Variants in CIT observed in about 807,000 individuals in gnomAD.
The protein encoded by CIT is citron Rho-interacting kinase.
A neutral mutation model predicts 272.7 loss-of-function variants in CIT; 79 were observed. The ratio of observed to expected loss-of-function variants is 0.29; its 90% CI spans 0.24 to 0.35. The LOEUF (loss-of-function observed/expected upper bound fraction) is 0.35, where lower values mean the gene tolerates loss of function less well. Ranked by LOEUF, CIT falls within the 10% of genes least tolerant of loss-of-function variation. CIT has a pLI of 1.00. For missense variants in CIT, 1,909 were observed against 2,618.3 expected (o/e 0.73, Z 5.91); for synonymous variants, 948 against 995.6 (o/e 0.95, Z 0.90).
intron 25 of CIT, 119 bp from the exon 26 acceptor site, chr12:119,734,476 T>G: frequency 4.5e-6 from 5 of 1,100,674 alleles, no homozygotes; most frequent in African/African-American, 1.5e-5. Flanking sequence ...AAATGCGGTT[T>G]GTCTTTTGCT....
intron 9 of CIT, among the ~76,000 whole-genome samples, chr12:119,816,808 G>A (rs778953441): frequency 2.0e-5 from 3 of 152,216 alleles, no homozygotes; most frequent in Non-Finnish European, 4.4e-5. Context: ...CTCAACTGAA[G>A]GTGACTGTAG....
chr12:119,710,782 G>T lies in CIT; in HGVS notation c.4855-162C>A. On this transcript the variant is annotated intron_variant, in intron 37 of 47. Coordinates refer to ENST00000392521, the MANE Select transcript of CIT (RefSeq NM_001206999.2). The surrounding 1 kb of genome is among the most constrained non-coding windows in gnomAD (Gnocchi z 5.6). ...TAGCTCAGCCCGTATTTTGATCTGA[G>T]CTCCAAATGCAAAATGCGAGTGCTA... 1.4e-6 allele frequency: 1 copy of T among 719,762 alleles called. No individual in the cohort carries two copies. The highest frequency in any genetic ancestry group is 2.3e-6 in the Non-Finnish European group (1 of 431,478). 44.6% of individuals were successfully genotyped at this position (719,762 alleles called of 1,614,324 possible).
intron 5 of CIT, among the ~76,000 whole-genome samples, chr12:119,839,369 T>C (rs548279101): frequency 3.0e-4 from 45 of 152,296 alleles, no homozygotes; most frequent in African/African-American, 1.1e-3. Context: ...TAGCCACCTC[T>C]TAGAAATGTC....
In CIT at chr12:119,718,974, G is replaced by T; in HGVS notation, c.3841-113C>A. ...CACAAAAGCCAGGAGCATACTCACT[G>T]TAAGTGTATTTAGTAAAAATGGCAT... is the stretch of plus-strand genomic sequence containing the variant. On this transcript the variant is annotated intron_variant, in intron 30 of 47. Coordinates refer to ENST00000392521, the MANE Select transcript of CIT (RefSeq NM_001206999.2). This position sits in a 1 kb window ranked among gnomAD's most constrained non-coding sequence, Gnocchi z 4.8. The T allele has an allele frequency of 2.0e-6, 2 of 1,022,932 alleles. No homozygotes were observed. Among genetic ancestry groups the T allele is most frequent in the Non-Finnish European group, 2.9e-6 (2 of 690,250 alleles). The allele number at this position is 1,022,932 out of a possible 1,614,324, so 63.4% of individuals were successfully genotyped here.
intron 46 of CIT, among the ~76,000 whole-genome samples, chr12:119,693,470 C>T (rs754153277): frequency 9.2e-5 from 14 of 152,194 alleles, no homozygotes; most frequent in African/African-American, 2.7e-4. Flanking sequence ...CTGTTTTGAT[C>T]GCACAGTAAG....
chr12:119,702,108 C>CTT (rs113607985), intron 41 of CIT, 150 bp from the exon 42 acceptor site: 693 of 546,994 alleles, frequency 1.3e-3, no homozygotes, highest in African/African-American at 1.5e-3. Context: ...AGCCATTCAT[C>CTT]TTTTTTTTTT....
intron 1 of CIT, among the ~76,000 whole-genome samples, chr12:119,876,993 A>G (rs1352832742): frequency 6.6e-6 from 1 of 152,196 alleles, no homozygotes; most frequent in Non-Finnish European, 1.5e-5. Context: ...GAAGAGACAA[A>G]GCACTCCGCC....
chr12:119,813,614 T>C (rs927842314), intron 9 of CIT, among the ~76,000 whole-genome samples: 2 of 152,340 alleles, frequency 1.3e-5, no homozygotes, highest in African/African-American at 4.8e-5. Flanking sequence ...CAAGTGAGAA[T>C]TTAAGGGTTG....
chr12:119,744,000 G>C (rs1183127261), intron 23 of CIT, among the ~76,000 whole-genome samples: 2 of 152,204 alleles, frequency 1.3e-5, no homozygotes, highest in Non-Finnish European at 2.9e-5. Flanking sequence ...AAGAAAGAAA[G>C]TGACGGATTT....
intron 46 of CIT, among the ~76,000 whole-genome samples, chr12:119,691,589 A>G (rs1400133266): frequency 1.3e-5 from 2 of 152,220 alleles, no homozygotes; most frequent in Non-Finnish European, 2.9e-5. Context: ...GGCTCAGAAA[A>G]CGTCCCAGGC....
chr12:119,701,133 C>A, intron 43 of CIT: 1 of 152,606 alleles, frequency 6.6e-6, no homozygotes, highest in Non-Finnish European at 1.4e-5. Flanking sequence ...ATGAAGCGAT[C>A]CGGAGGAAGG....
At chr12:119,824,106 C>CTG (rs1555258630) in intron 8 of CIT, among the ~76,000 whole-genome samples, 2 of 64,416 alleles carry the variant, frequency 3.1e-5, no homozygotes, top group Non-Finnish European at 5.7e-5. Flanking sequence ...AATAGTTTTA[C>CTG]TGTATATATA....
intron 3 of CIT, among the ~76,000 whole-genome samples, chr12:119,862,832 A>AAAAAAAAAAAAAAAAAAAAG (rs1950390006): frequency 7.4e-6 from 1 of 135,562 alleles, no homozygotes; most frequent in African/African-American, 3.1e-5. Context: ...AAAAAAAAAA[A>AAAAAAAAAAAAAAAAAAAAG]AAAAAAAAGA....
intron 25 of CIT, among the ~76,000 whole-genome samples, chr12:119,734,785 C>T (rs1335449679): frequency 6.6e-6 from 1 of 152,082 alleles, no homozygotes; most frequent in African/African-American, 2.4e-5. Flanking sequence ...TACTGGCATG[C>T]ACCACCAAGC....
chr12:119,763,830 G>A (rs1193644031), intron 19 of CIT, among the ~76,000 whole-genome samples: 1 of 152,230 alleles, frequency 6.6e-6, no homozygotes, highest in African/African-American at 2.4e-5. Context: ...AAAATGGGAT[G>A]TGATTTTAAA....
intron 9 of CIT, among the ~76,000 whole-genome samples, chr12:119,811,265 C>T (rs1966845462): frequency 6.6e-6 from 1 of 152,158 alleles, no homozygotes; most frequent in Non-Finnish European, 1.5e-5. Flanking sequence ...GACTGCATCA[C>T]TGCTTTCTAG....
intron 1 of CIT, among the ~76,000 whole-genome samples, chr12:119,876,783 C>CCT (rs1265089495): frequency 2.6e-5 from 4 of 152,166 alleles, no homozygotes; most frequent in African/African-American, 9.7e-5. Context: ...CAGGACCTGG[C>CCT]CTCTCCAGCA....
chr12:119,718,259 G>A lies in CIT; in HGVS notation c.4154C>T (p.Ser1385Phe), dbSNP rs750388685. 6.2e-7 allele frequency: 1 copy of A among 1,613,120 alleles called. No individual in the cohort carries two copies. The highest frequency in any genetic ancestry group is 1.1e-5 in the South Asian group (1 of 90,994). ...LAPPSSRRKE[S>F]STPEEFSRRL... is the part of the protein sequence containing the mutation. ...CTCCAACGTACCCTCTGGAGTTGAA[G>A]ACTCCTTTCTGCGGCTGGATGGCGG... The change falls in exon 32 of 48, where the codon TCT becomes TTT. Residue 1385 changes from serine (S) to phenylalanine (F), a missense_variant. Transcript: ENST00000392521. This position sits in a 1 kb window ranked among gnomAD's most constrained non-coding sequence, Gnocchi z 4.8.
chr12:119,692,109 G>A (rs898470045), intron 46 of CIT, among the ~76,000 whole-genome samples: 16 of 152,052 alleles, frequency 1.1e-4, no homozygotes, highest in African/African-American at 3.9e-4. Context: ...CACCAACGTT[G>A]GACACATTGG....
Sources: gnomAD v4.1 joint callset for allele counts (sites outside exome capture counted in the v4.1 genomes callset) on GRCh38, gnomAD v4.1.1 for gene constraint, Gnocchi (gnomAD v3.1) non-coding constraint, MANE v1.5 for transcripts, NCBI Gene and HGNC (gene_info 2026-07-23, HGNC 2026-07-21) for gene names.